The following ZNF618 variants were observed in gnomAD, a reference collection of about 807,000 sequenced individuals.
The protein encoded by ZNF618 is neural precursor cell expressed, developmentally down-regulated 10.
ZNF618 carries 34 observed loss-of-function variants against 103.0 expected under a neutral mutation model. The observed-to-expected ratio is 0.33, with a 90% CI of 0.25 to 0.44. The LOEUF (loss-of-function observed/expected upper bound fraction) is 0.44, where lower values mean the gene tolerates loss of function less well. ZNF618 is among the 20% of genes least tolerant of loss of function. The pLI, the probability that ZNF618 is intolerant of heterozygous loss-of-function variation, is 1.00. For missense variants in ZNF618, 1,059 were observed against 1,295.4 expected (o/e 0.82, Z 2.80); for synonymous variants, 551 against 542.2 (o/e 1.02, Z -0.23).
chr9:114,014,087 G>T (rs1842469335), intron 9 of ZNF618, among the ~76,000 whole-genome samples: 1 of 152,044 alleles, frequency 6.6e-6, no homozygotes. Flanking sequence ...AGAGAAAATT[G>T]GAAAATAATG....
At chr9:113,954,526 G>C (rs999383474) in intron 1 of ZNF618, among the ~76,000 whole-genome samples, 4 of 152,170 alleles carry the variant, frequency 2.6e-5, no homozygotes, top group African/African-American at 7.2e-5. Context: ...GCAGAGCATG[G>C]TGCAGTTCAA....
chr9:114,020,684 C>A (rs982804117), intron 10 of ZNF618, among the ~76,000 whole-genome samples: 4 of 151,960 alleles, frequency 2.6e-5, no homozygotes, highest in African/African-American at 9.7e-5. Flanking sequence ...CTTATTAGTT[C>A]TAATAGATTT....
intron 10 of ZNF618, among the ~76,000 whole-genome samples, chr9:114,026,990 C>T (rs1843557828): frequency 6.6e-6 from 1 of 152,124 alleles, no homozygotes; most frequent in East Asian, 1.9e-4. Context: ...GGTTCCATTA[C>T]AGTGAATAAC....
chr9:113,880,779 A>G (rs1828441175), intron 1 of ZNF618, among the ~76,000 whole-genome samples: 1 of 152,274 alleles, frequency 6.6e-6, no homozygotes. Context: ...GATTTGAAAT[A>G]GATTTCCTCC....
intron 1 of ZNF618, among the ~76,000 whole-genome samples, chr9:113,953,394 A>T (rs2132382715): frequency 6.6e-6 from 1 of 152,308 alleles, no homozygotes; most frequent in African/African-American, 2.4e-5. Context: ...AGTATAATGA[A>T]TTTTTCCTCA....
chr9:113,968,245 G>C (rs182001697), intron 1 of ZNF618, among the ~76,000 whole-genome samples: 1 of 152,282 alleles, frequency 6.6e-6, no homozygotes, highest in Non-Finnish European at 1.5e-5. Flanking sequence ...ATTAGCGGGG[G>C]CTCTGCCAGG....
In ZNF618 at chr9:113,903,304, C is replaced by T. The variant is rs565089670; in HGVS notation, c.33+26891C>T. Among the ~76,000 whole-genome samples, 5 of 152,340 alleles carry T rather than the reference C, an allele frequency of 3.3e-5. No homozygotes were observed. The East Asian group carries it at 7.7e-4, about 24-fold the overall frequency. On this transcript the variant is annotated intron_variant, in intron 1 of 14. Coordinates refer to ENST00000374126, the MANE Select transcript of ZNF618 (RefSeq NM_001318042.2). ...CATTACTTTCCATTCTCCTAAGCCCCATTTCCAGTGTGTAAGTCCTGGTGA... is the reference window on the plus strand; with the variant it reads ...CATTACTTTCCATTCTCCTAAGCCCTATTTCCAGTGTGTAAGTCCTGGTGA...
intron 1 of ZNF618, among the ~76,000 whole-genome samples, chr9:113,884,720 G>A (rs1047413248): frequency 1.4e-4 from 21 of 150,946 alleles, no homozygotes; most frequent in African/African-American, 4.4e-4. Flanking sequence ...ACACACACAC[G>A]CACCCCATGG....
chr9:114,040,102 T>C (rs1350590843), intron 13 of ZNF618, among the ~76,000 whole-genome samples: 1 of 149,824 alleles, frequency 6.7e-6, no homozygotes, highest in African/African-American at 2.5e-5. Flanking sequence ...TTATACATTG[T>C]TATTTAATAC....
intron 11 of ZNF618, among the ~76,000 whole-genome samples, chr9:114,032,414 C>T (rs932423287): frequency 5.3e-5 from 8 of 152,098 alleles, no homozygotes; most frequent in South Asian, 2.1e-4. Context: ...GTCACTCCCC[C>T]GGCCCCCGTG....
intron 1 of ZNF618, among the ~76,000 whole-genome samples, chr9:113,929,327 A>G (rs963644286): frequency 6.6e-6 from 1 of 152,222 alleles, no homozygotes; most frequent in Non-Finnish European, 1.5e-5. Context: ...ATTTCTCTGC[A>G]GTTGACTGTC....
intron 11 of ZNF618, among the ~76,000 whole-genome samples, chr9:114,030,590 G>A (rs1843930419): frequency 1.3e-5 from 2 of 152,206 alleles, no homozygotes; most frequent in African/African-American, 4.8e-5. Flanking sequence ...TGCCTTGGAA[G>A]ACTTGTGGGT....
chr9:113,930,448 C>T (rs1255100957), intron 1 of ZNF618, among the ~76,000 whole-genome samples: 5 of 151,882 alleles, frequency 3.3e-5, no homozygotes, highest in East Asian at 3.9e-4. Flanking sequence ...GTTTAGGGGG[C>T]GCCTATTTTT....
intron 2 of ZNF618, among the ~76,000 whole-genome samples, chr9:113,983,155 C>G (rs935643978): frequency 6.6e-6 from 1 of 151,854 alleles, no homozygotes; most frequent in African/African-American, 2.4e-5. Flanking sequence ...ATGATTCGTG[C>G]TGAGAATATC....
intron 1 of ZNF618, among the ~76,000 whole-genome samples, chr9:113,900,123 T>C (rs1480203502): frequency 6.6e-6 from 1 of 152,174 alleles, no homozygotes; most frequent in Non-Finnish European, 1.5e-5. Context: ...AGTGGTGTTA[T>C]CTCGGCTCAC....
chr9:113,899,949 G>A (rs933662593), intron 1 of ZNF618, among the ~76,000 whole-genome samples: 8 of 152,172 alleles, frequency 5.3e-5, no homozygotes, highest in Admixed American at 1.3e-4. Context: ...TGGACAAACA[G>A]CTCTTTGAGA....
chr9:113,972,769 C>CA (rs1191663872), intron 2 of ZNF618, among the ~76,000 whole-genome samples: 6 of 152,116 alleles, frequency 3.9e-5, no homozygotes, highest in Non-Finnish European at 8.8e-5. Flanking sequence ...TGTTAAACGT[C>CA]AAGAGAATGT....
rs192232135 is a variant in ZNF618, at chr9:113,969,176, C to A, written c.77+16C>A. ...CTGCGAGCAGGTACACTCCCTCTCC[C>A]GCCCCCAGCTTGTCCACCCATCGAC... is the stretch of plus-strand genomic sequence containing the variant. On this transcript the variant is annotated intron_variant, in intron 2 of 14. Coordinates refer to ENST00000374126, the MANE Select transcript of ZNF618 (RefSeq NM_001318042.2). 1 of 1,613,802 alleles carries A rather than the reference C, an allele frequency of 6.2e-7. No homozygotes were observed. The highest frequency in any genetic ancestry group is 1.3e-5 in the African/African-American group (1 of 74,910).
intron 1 of ZNF618, among the ~76,000 whole-genome samples, chr9:113,877,753 C>T (rs557903089): frequency 2.0e-5 from 3 of 151,512 alleles, no homozygotes; most frequent in African/African-American, 7.3e-5. Context: ...TTGTTTTATC[C>T]AGAAAATGTC....
Sources: allele counts gnomAD v4.1 joint callset (sites outside exome capture counted in the v4.1 genomes callset), GRCh38; gene constraint gnomAD v4.1.1; transcripts MANE v1.5; gene names NCBI Gene and HGNC (gene_info 2026-07-23, HGNC 2026-07-21).